Variants in LUC7L observed in about 807,000 individuals in gnomAD.
The protein encoded by LUC7L is putative RNA-binding protein Luc7-like 1.
LUC7L carries 29 observed loss-of-function variants against 51.1 expected under a neutral mutation model. That is an observed-to-expected ratio of 0.57 (90% confidence interval 0.42 to 0.77). The LOEUF is 0.77. LUC7L is among the 30% of genes least tolerant of loss of function. LUC7L has a pLI of 0.00. For missense variants in LUC7L, 403 were observed against 511.9 expected, an observed-to-expected ratio of 0.79 and a Z score of 2.05; for synonymous variants, 181 against 180.7, an observed-to-expected ratio of 1.00 and a Z score of -0.01.
intron 5 of LUC7L, among the ~76,000 whole-genome samples, chr16:200,839 G>A (rs1342500507): frequency 2.0e-5 from 3 of 151,976 alleles, no homozygotes; most frequent in East Asian, 1.9e-4. Context: ...CTGTGACTGC[G>A]CCACTGTACT....
chr16:208,368 T>C (rs1202215427), intron 3 of LUC7L, 180 bp from the exon 4 acceptor site: 1 of 534,216 alleles, frequency 1.9e-6, no homozygotes, highest in Non-Finnish European at 3.2e-6. Context: ...ATCAAGGGGA[T>C]CTGTTAAACA....
intron 3 of LUC7L, among the ~76,000 whole-genome samples, chr16:216,797 G>A (rs1179088106): frequency 6.6e-6 from 1 of 152,060 alleles, no homozygotes; most frequent in African/African-American, 2.4e-5. Flanking sequence ...AGGACAAAAA[G>A]GTCTCTGACC....
At chr16:202,868 C>G (rs747129776) in intron 5 of LUC7L, among the ~76,000 whole-genome samples, 1 of 152,276 alleles carries the variant, frequency 6.6e-6, no homozygotes, top group East Asian at 1.9e-4. Flanking sequence ...TCAAAGACAG[C>G]CAGGAGCAGT....
intron 2 of LUC7L, among the ~76,000 whole-genome samples, chr16:223,163 T>C (rs1043634378): frequency 2.0e-5 from 3 of 150,632 alleles, no homozygotes; most frequent in African/African-American, 4.9e-5. Context: ...ATCAAGACCA[T>C]CCTGGCCAAC....
At chr16:196,743 G>C (rs957428640) in intron 6 of LUC7L, among the ~76,000 whole-genome samples, 1 of 151,888 alleles carries the variant, frequency 6.6e-6, no homozygotes, top group African/African-American at 2.4e-5. Context: ...GGCCAGGCTG[G>C]TCTCGAACTC....
At chr16:215,960 G>C (rs2049784101) in intron 3 of LUC7L, among the ~76,000 whole-genome samples, 1 of 151,784 alleles carries the variant, frequency 6.6e-6, no homozygotes, top group Non-Finnish European at 1.5e-5. Context: ...CTCCAAAAGT[G>C]ACAGGATTAC....
chr16:227,187 G>A, intron 2 of LUC7L, 55 bp downstream of exon 2: 1 of 1,409,970 alleles, frequency 7.1e-7, no homozygotes, highest in Non-Finnish European at 9.9e-7. Flanking sequence ...AACCGTCACT[G>A]CCTATACAGC....
intron 3 of LUC7L, among the ~76,000 whole-genome samples, chr16:217,578 G>C (rs1440729607): frequency 6.6e-6 from 1 of 151,578 alleles, no homozygotes; most frequent in Non-Finnish European, 1.5e-5. Context: ...GTAGCGATGT[G>C]CACCTGTAAT....
In LUC7L at chr16:189,000, G is replaced by A. The variant is rs746947215; in HGVS notation, c.*198C>T. 1.1e-5 allele frequency: 6 copies of A among 554,410 alleles called. No homozygotes were observed. Among genetic ancestry groups the A allele is most frequent in the South Asian group, 2.9e-5 (1 of 34,926 alleles). 34.3% of individuals were successfully genotyped at this position (554,410 alleles called of 1,614,324 possible). A position where few individuals can be genotyped will look rare whatever the true frequency, so the allele number is the denominator to read the frequency against. The stretch of plus-strand genomic sequence containing the variant: ...AAACCCCCCGCAGCCTCAGGAGGCA[G>A]CATCAGATTTATTTATTCCTACTCA... On this transcript the variant is annotated 3_prime_UTR_variant, in exon 10 of 10. Coordinates refer to ENST00000293872, the MANE Select transcript of LUC7L (RefSeq NM_201412.3).
At chr16:228,417 T>C (rs2050181058) in intron 1 of LUC7L, 1 of 1,292,648 alleles carries the variant, frequency 7.7e-7, no homozygotes, top group African/African-American at 1.5e-5. Context: ...ATAAATAAAA[T>C]AGAGGGGCCA....
intron 6 of LUC7L, among the ~76,000 whole-genome samples, chr16:197,054 C>T (rs575821542): frequency 6.5e-4 from 98 of 150,856 alleles, no homozygotes; most frequent in African/African-American, 2.2e-3. Context: ...ACTACAGGTG[C>T]CCACCACCAT....
chr16:212,277 G>A (rs1242035219), intron 3 of LUC7L, among the ~76,000 whole-genome samples: 1 of 152,146 alleles, frequency 6.6e-6, no homozygotes. Flanking sequence ...TGGGCAACAA[G>A]AGCGAAACTC....
chr16:200,401 G>A (rs939727738), intron 5 of LUC7L, among the ~76,000 whole-genome samples: 1 of 145,620 alleles, frequency 6.9e-6, no homozygotes, highest in Non-Finnish European at 1.5e-5. Context: ...GAAAGAGCGA[G>A]ACTCCGTCTC....
chr16:219,969 C>T (rs548487507), intron 3 of LUC7L, among the ~76,000 whole-genome samples: 12 of 152,102 alleles, frequency 7.9e-5, no homozygotes, highest in African/African-American at 2.4e-4. Context: ...ATTTTACAAC[C>T]ACTAAACTGC....
rs2048984952 is a variant in LUC7L, at chr16:190,567, C to T, written c.780G>A (p.Ser260=). 2.5e-6 allele frequency: 4 copies of T among 1,613,154 alleles called. No homozygotes were observed. The highest frequency in any genetic ancestry group is 1.7e-5 in the Admixed American group (1 of 59,974). ...TCCTGCGATCTCTGGTTCTTGATCCCGACCTAAAAGGGGGAAAAAAAGATG... is the reference window on the plus strand; with the variant it reads ...TCCTGCGATCTCTGGTTCTTGATCCTGACCTAAAAGGGGGAAAAAAAGATG... ...REREERLSRR[S]GSRTRDRRRS... is the part of the protein sequence containing the mutation. Residue 260 remains serine, a synonymous_variant, in exon 8 of 10, where the codon TCG becomes TCA. Transcript: ENST00000293872.
At chr16:208,681 T>A in intron 3 of LUC7L, 1 of 957,992 alleles carries the variant, frequency 1.0e-6, no homozygotes. Flanking sequence ...AACAAAACAA[T>A]AGAACAAATA....
intron 3 of LUC7L, 94 bp from the exon 4 acceptor site, chr16:208,282 C>A (rs1212780375): frequency 1.1e-6 from 1 of 889,644 alleles, no homozygotes; most frequent in Admixed American, 2.4e-5. Flanking sequence ...CTCCTAGGTT[C>A]GTTTCTTTAA....
At chr16:208,678 C>T in intron 3 of LUC7L, 2 of 967,166 alleles carry the variant, frequency 2.1e-6, no homozygotes, top group Non-Finnish European at 1.2e-6. Flanking sequence ...AAAAACAAAA[C>T]AATAGAACAA....
intron 4 of LUC7L, among the ~76,000 whole-genome samples, chr16:207,554 C>T (rs951669736): frequency 5.9e-5 from 9 of 152,126 alleles, no homozygotes; most frequent in Admixed American, 1.3e-4. Flanking sequence ...AATGATAAAC[C>T]ATGTACAGAG....
Sources: gnomAD v4.1 joint callset for allele counts (sites outside exome capture counted in the v4.1 genomes callset) on GRCh38, gnomAD v4.1.1 for gene constraint, MANE v1.5 for transcripts, NCBI Gene and HGNC (gene_info 2026-07-23, HGNC 2026-07-21) for gene names.